Variants in IL5RA observed in about 807,000 individuals in gnomAD.
IL5RA encodes the protein interleukin-5 receptor subunit alpha.
IL5RA carries 49 observed loss-of-function variants against 50.0 expected under a neutral mutation model. That is an observed-to-expected ratio of 0.98 (90% CI 0.78 to 1.24). The LOEUF (loss-of-function observed/expected upper bound fraction) is 1.24, where lower values mean the gene tolerates loss of function less well. Among genes scored for constraint, IL5RA ranks in the 50% most tolerant of loss-of-function variants. IL5RA has a pLI of 0.00. For synonymous variants in IL5RA, 202 were observed against 174.0 expected (o/e 1.16, Z -1.26); for missense variants, 600 against 500.4 (o/e 1.20, Z -1.90).
intron 1 of IL5RA, among the ~76,000 whole-genome samples, chr3:3,108,931 T>C (rs1704057559): frequency 6.6e-6 from 1 of 152,192 alleles, no homozygotes; most frequent in Non-Finnish European, 1.5e-5. Context: ...AACAAATAGC[T>C]ACATAAATTC....
At position 3,069,028 on chromosome 3, in the gene IL5RA, C is replaced by G. The variant is rs1020140942; in HGVS notation, c.*1197G>C. 6.6e-6 allele frequency: 1 copy of G among 152,220 alleles called. No individual in the cohort carries two copies. The highest frequency in any genetic ancestry group is 2.4e-5 in the African/African-American group (1 of 41,450). 9.4% of individuals were successfully genotyped at this position (152,220 alleles called of 1,614,324 possible). ...GTGTGTCCCCACCGATGGATCAAAA[C>G]TGACTAAAACACCTCCAGAAAGCAT... On this transcript the variant is annotated 3_prime_UTR_variant, in exon 12 of 12. Transcript: ENST00000446632.
chr3:3,089,540 C>A (rs1024226818), intron 9 of IL5RA, among the ~76,000 whole-genome samples: 1 of 152,192 alleles, frequency 6.6e-6, no homozygotes, highest in East Asian at 1.9e-4. Flanking sequence ...CTAAATCTCT[C>A]CTATGTATAC....
chr3:3,072,894 A>G (rs1702348740), intron 11 of IL5RA, among the ~76,000 whole-genome samples: 1 of 152,192 alleles, frequency 6.6e-6, no homozygotes, highest in Non-Finnish European at 1.5e-5. Context: ...CTTGGGTGAC[A>G]AAGCGAGACT....
chr3:3,090,237 T>C, intron 9 of IL5RA: 5 of 1,606,390 alleles, frequency 3.1e-6, no homozygotes, highest in Non-Finnish European at 4.3e-6. Flanking sequence ...CTGGATGTTA[T>C]CTCCTTTATC....
chr3:3,088,719 A>G (rs557535329), intron 9 of IL5RA, among the ~76,000 whole-genome samples: 5 of 152,176 alleles, frequency 3.3e-5, no homozygotes, highest in Non-Finnish European at 4.4e-5. Context: ...GGTATCCATC[A>G]TCTTGGTTTA....
intron 2 of IL5RA, 28 bp from the exon 3 acceptor site, chr3:3,105,015 T>C: frequency 1.4e-6 from 2 of 1,432,854 alleles, no homozygotes; most frequent in Non-Finnish European, 2.0e-6. Context: ...GATACCAAAA[T>C]CATCTTGTTG....
In IL5RA at chr3:3,098,169, G is replaced by A; in HGVS notation, c.489C>T (p.Ala163=). The A allele has an allele frequency of 6.2e-7, 1 of 1,614,024 alleles. No homozygotes were observed. Among genetic ancestry groups the A allele is most frequent in the South Asian group, 1.1e-5 (1 of 91,072 alleles). Reference sequence around the variant, plus strand: ...AGAGAAAATACTGCGTGTCCTCAGGGGCATCTGTGCCAACAAGCCAGGTGC... The same window carrying A: ...AGAGAAAATACTGCGTGTCCTCAGGAGCATCTGTGCCAACAAGCCAGGTGC... ...LHCTWLVGTD[A]PEDTQYFLYY... is the part of the protein sequence containing the mutation. The change falls in exon 6 of 12, where the codon GCC becomes GCT. Residue 163 remains alanine, a synonymous_variant. Coordinates refer to ENST00000446632, the MANE Select transcript of IL5RA (RefSeq NM_175726.4).
At position 3,092,490 on chromosome 3, in the gene IL5RA, G is replaced by T; in HGVS notation, c.856-128C>A. The T allele has an allele frequency of 5.9e-6, 5 of 843,188 alleles. No homozygotes were observed. The South Asian group carries it at 8.2e-5, about 14-fold the overall frequency. The allele number at this position is 843,188 out of a possible 1,614,324, so 52.2% of individuals were successfully genotyped here. On this transcript the variant is annotated intron_variant, in intron 8 of 11. Coordinates refer to ENST00000446632, the MANE Select transcript of IL5RA (RefSeq NM_175726.4). The surrounding 1 kb of genome is among the most constrained non-coding windows in gnomAD (Gnocchi z 4.2). Reference sequence around the variant, plus strand: ...CAGCAAGTCCTTTAAAATCAACAGGGCACACATTAATTCGTTTATGCTAGG... The same window carrying T: ...CAGCAAGTCCTTTAAAATCAACAGGTCACACATTAATTCGTTTATGCTAGG...
At position 3,068,957 on chromosome 3, in the gene IL5RA, C is replaced by G. The variant is rs1035330451; in HGVS notation, c.*1268G>C. ...CTCTGCTAGTTACAGTGGATAATTA[C>G]AGGTTAGTTAAGAAAACAAACAAAC... On this transcript the variant is annotated 3_prime_UTR_variant, in exon 12 of 12. Transcript: ENST00000446632. 6.6e-6 allele frequency: 1 copy of G among 152,200 alleles called. No homozygotes were observed. The highest frequency in any genetic ancestry group is 6.5e-5 in the Admixed American group (1 of 15,272). 9.4% of individuals were successfully genotyped at this position (152,200 alleles called of 1,614,324 possible).
chr3:3,083,835 G>C (rs1355392436), intron 9 of IL5RA, among the ~76,000 whole-genome samples: 1 of 152,192 alleles, frequency 6.6e-6, no homozygotes, highest in Non-Finnish European at 1.5e-5. Flanking sequence ...GATCACTTGA[G>C]GTCACGAGTT....
At chr3:3,073,332 GA>G (rs1407083971) in intron 11 of IL5RA, among the ~76,000 whole-genome samples, 2 of 151,814 alleles carry the variant, frequency 1.3e-5, no homozygotes, top group Non-Finnish European at 2.9e-5. Flanking sequence ...AATTTGCTAA[GA>G]AAACTGTTTG....
chr3:3,076,457 C>T (rs369521997), intron 10 of IL5RA, 74 bp downstream of exon 10: 17 of 931,290 alleles, frequency 1.8e-5, no homozygotes, highest in Admixed American at 1.2e-4. Context: ...CTCTGCCTAC[C>T]GGATGCATGG....
At chr3:3,094,644 G>C (rs115870197) in intron 8 of IL5RA, among the ~76,000 whole-genome samples, 1 of 152,090 alleles carries the variant, frequency 6.6e-6, no homozygotes, top group Non-Finnish European at 1.5e-5. Context: ...TTGTTGGATC[G>C]TATGGGAATT....
intron 2 of IL5RA, among the ~76,000 whole-genome samples, chr3:3,105,943 C>T (rs369780274): frequency 1.3e-5 from 2 of 152,154 alleles, no homozygotes; most frequent in East Asian, 1.9e-4. Flanking sequence ...ATGGCTTCCC[C>T]CTGTGTTGTC....
At chr3:3,106,990 T>G (rs945420590) in intron 2 of IL5RA, among the ~76,000 whole-genome samples, 29 of 152,172 alleles carry the variant, frequency 1.9e-4, no homozygotes, top group African/African-American at 1.4e-4. Flanking sequence ...AGTGGAGAGA[T>G]AATTGAATAT....
At chr3:3,086,422 G>A (rs1050152569) in intron 9 of IL5RA, among the ~76,000 whole-genome samples, 2 of 152,122 alleles carry the variant, frequency 1.3e-5, no homozygotes, top group African/African-American at 4.8e-5. Context: ...GAATCCGGAA[G>A]TTAAGAAAGT....
At chr3:3,071,551 C>CTGTGTGTGTG (rs1559858771) in intron 11 of IL5RA, among the ~76,000 whole-genome samples, 8 of 126,442 alleles carry the variant, frequency 6.3e-5, no homozygotes, top group African/African-American at 2.4e-4. Flanking sequence ...TCTTCCTTCA[C>CTGTGTGTGTG]AGTGTGTGTG....
Position 3,101,728 on chromosome 3 carries a change from T to G in IL5RA, c.331A>C (p.Ser111Arg), listed in dbSNP as rs1403948068. 1 of 1,614,044 alleles carries G rather than the reference T, an allele frequency of 6.2e-7. No individual in the cohort carries two copies. The highest frequency in any genetic ancestry group is 1.1e-5 in the South Asian group (1 of 91,062). The change falls in exon 5 of 12, where the codon AGC (serine) becomes CGC (arginine). Residue 111 changes from serine to arginine, a missense_variant. By Grantham distance (110) the Ser-to-Arg change is moderately radical (BLOSUM62 -1). Transcript: ENST00000446632. ...TGAAGTTCAGCAGAAGCCCAGCTGC[T>G]GGCCAGTAGTGAGTGGTCGTTCTGC... ...ILQNDHSLLA[S>R]SWASAELHAP...
At position 3,066,326 on chromosome 3, in the gene IL5RA, C is replaced by G. The variant is rs1280821720; in HGVS notation, c.*3899G>C. 1 of 152,114 alleles carries G rather than the reference C, an allele frequency of 6.6e-6. No homozygotes were observed. The highest frequency in any genetic ancestry group is 1.5e-5 in the Non-Finnish European group (1 of 68,014). The allele number at this position is 152,114 out of a possible 1,614,324, so 9.4% of individuals were successfully genotyped here. A position where few individuals can be genotyped will look rare whatever the true frequency, so the allele number is the denominator to read the frequency against. ...TCTTTAATTGCAGACTTAGACAATT[C>G]ACTGTCATTTATGTTTAATATTTCT... On this transcript the variant is annotated 3_prime_UTR_variant, in exon 12 of 12. Coordinates refer to ENST00000446632, the MANE Select transcript of IL5RA (RefSeq NM_175726.4).
Sources: allele counts gnomAD v4.1 joint callset (sites outside exome capture counted in the v4.1 genomes callset), GRCh38; gene constraint gnomAD v4.1.1; non-coding constraint Gnocchi (gnomAD v3.1); transcripts MANE v1.5; gene names NCBI Gene and HGNC (gene_info 2026-07-23, HGNC 2026-07-21).